The following OPTN variants were observed in gnomAD, a reference collection of about 807,000 sequenced individuals.
OPTN encodes the protein E3-14.7K-interacting protein.
OPTN carries 54 observed loss-of-function variants against 70.4 expected under a neutral mutation model. The observed-to-expected ratio is 0.77, with a 90% CI of 0.62 to 0.96. The LOEUF (loss-of-function observed/expected upper bound fraction) is 0.96. Among genes scored for constraint, OPTN ranks in the 40% least tolerant of loss-of-function variants. The pLI, the probability that OPTN is intolerant of heterozygous loss-of-function variation, is 0.00. For missense variants in OPTN, 624 were observed against 673.2 expected (o/e 0.93, Z 0.81); for synonymous variants, 256 against 248.5 (o/e 1.03, Z -0.28).
chr10:13,110,582 T>C, intron 4 of OPTN, 106 bp downstream of exon 4: 1 of 1,164,184 alleles, frequency 8.6e-7, no homozygotes, highest in African/African-American at 1.5e-5. Context: ...CATGGTTCAG[T>C]CTGGATTGGT....
intron 5 of OPTN, among the ~76,000 whole-genome samples, chr10:13,115,195 AG>A (rs1357748490): frequency 3.0e-5 from 2 of 67,780 alleles, no homozygotes; most frequent in African/African-American, 1.2e-4. Context: ...ATATATTTAT[AG>A]ATATATCTAT....
chr10:13,136,505 C>CAAAAAAAAAAAAAA (rs71386161), intron 14 of OPTN, among the ~76,000 whole-genome samples: 1 of 72,868 alleles, frequency 1.4e-5, no homozygotes, highest in African/African-American at 5.4e-5. Flanking sequence ...GACTCCGTCT[C>CAAAAAAAAAAAAAA]AAAAAAAAAA....
At position 13,124,100 on chromosome 10, in the gene OPTN, C is replaced by A; in HGVS notation, c.988C>A (p.Leu330Ile). 6.2e-7 allele frequency: 1 copy of A among 1,601,470 alleles called. No homozygotes were observed. Among genetic ancestry groups the A allele is most frequent in the Non-Finnish European group, 8.6e-7 (1 of 1,169,330 alleles). ...LSEAELMKKR[L>I]QEKCQALERK... ...CGAAGCTGAGCTAATGAAGAAGAGA[C>A]TTCAAGAAAAGTAAGAATGAGAGAG... The change falls in exon 9 of 15, where the codon CTT becomes ATT. Residue 330 changes from leucine to isoleucine, a missense_variant. Physicochemically the swap from Leu to Ile is conservative, Grantham distance 5 (BLOSUM62 2). Transcript: ENST00000378747.
chr10:13,114,800 A>AATTG (rs1554768941), intron 5 of OPTN, among the ~76,000 whole-genome samples: 5 of 17,710 alleles, frequency 2.8e-4, no homozygotes, highest in Non-Finnish European at 9.4e-4. Flanking sequence ...ATAATTATAT[A>AATTG]TACATATATA....
chr10:13,100,806 G>A (rs1400355844), intron 1 of OPTN, among the ~76,000 whole-genome samples: 1 of 152,166 alleles, frequency 6.6e-6, no homozygotes, highest in East Asian at 1.9e-4. Context: ...TGATGAGGCC[G>A]AGAACCCCAA....
chr10:13,102,208 G>A (rs578184376), intron 1 of OPTN, among the ~76,000 whole-genome samples: 90 of 152,360 alleles, frequency 5.9e-4, no homozygotes, highest in African/African-American at 2.1e-3. Context: ...CGCAGAGACA[G>A]AAGAATGCAG....
intron 1 of OPTN, among the ~76,000 whole-genome samples, chr10:13,100,584 C>T (rs956586788): frequency 6.6e-6 from 1 of 152,238 alleles, no homozygotes; most frequent in Non-Finnish European, 1.5e-5. Flanking sequence ...GGTAACCCCT[C>T]TACAAGTCAC....
chr10:13,103,592 G>A (rs773367505), intron 1 of OPTN, among the ~76,000 whole-genome samples: 1 of 152,176 alleles, frequency 6.6e-6, no homozygotes, highest in Non-Finnish European at 1.5e-5. Flanking sequence ...ATGTGCCATC[G>A]AAACCAGACA....
intron 11 of OPTN, 97 bp from the exon 12 acceptor site, chr10:13,127,648 G>C: frequency 2.2e-6 from 3 of 1,349,044 alleles, no homozygotes; most frequent in Non-Finnish European, 3.1e-6. Context: ...CACCCGGCCA[G>C]AGCTGATAAT....
chr10:13,137,527 CTGAT>C lies in OPTN; in HGVS notation c.*663_*666del, dbSNP rs1206097017. The stretch of plus-strand genomic sequence containing the variant: ...ATGTAATTAGATGGAAGAAACCTCA[CTGAT>C]TAATTTTAAGAACCTTTTAGGGATG... On this transcript the variant is annotated 3_prime_UTR_variant, in exon 15 of 15. Transcript: ENST00000378747. 3.5e-5 allele frequency: 8 copies of C among 229,432 alleles called. No individual in the cohort carries two copies. The highest frequency in any genetic ancestry group is 3.6e-4 in the South Asian group (2 of 5,522). 14.2% of individuals were successfully genotyped at this position (229,432 alleles called of 1,614,324 possible).
intron 1 of OPTN, among the ~76,000 whole-genome samples, chr10:13,106,961 G>T (rs185971792): frequency 9.9e-5 from 15 of 152,284 alleles, no homozygotes; most frequent in African/African-American, 3.6e-4. Context: ...TTAGAAATGG[G>T]ATGCTCGCTT....
chr10:13,133,686 C>T, intron 14 of OPTN, 105 bp downstream of exon 14: 3 of 989,016 alleles, frequency 3.0e-6, no homozygotes, highest in East Asian at 5.2e-5. Flanking sequence ...CAAATCAAGG[C>T]ACCAAAAATA....
intron 1 of OPTN, among the ~76,000 whole-genome samples, chr10:13,105,534 A>C (rs1328523378): frequency 6.6e-6 from 1 of 152,202 alleles, no homozygotes; most frequent in Admixed American, 6.5e-5. Flanking sequence ...GCAATGTGAG[A>C]AGTCAGAAAC....
At chr10:13,126,374 G>A (rs1441080904) in intron 11 of OPTN, among the ~76,000 whole-genome samples, 1 of 150,480 alleles carries the variant, frequency 6.6e-6, no homozygotes, top group Non-Finnish European at 1.5e-5. Context: ...TCCGCCTCCT[G>A]GGTTCACGCC....
chr10:13,116,175 C>G (rs1029933921), intron 5 of OPTN, 92 bp from the exon 6 acceptor site: 7 of 919,410 alleles, frequency 7.6e-6, no homozygotes, highest in Admixed American at 1.9e-5. Context: ...TTGCATGTCA[C>G]AAAAATTCAT....
intron 6 of OPTN, among the ~76,000 whole-genome samples, chr10:13,116,706 T>C (rs1413367255): frequency 6.6e-6 from 1 of 152,208 alleles, no homozygotes; most frequent in Admixed American, 6.5e-5. Flanking sequence ...CTGCCCAGCT[T>C]CCATAAGTGA....
At chr10:13,119,107 AC>A in intron 7 of OPTN, 67 bp downstream of exon 7, 1 of 1,388,530 alleles carries the variant, frequency 7.2e-7, no homozygotes, top group East Asian at 2.3e-5. Flanking sequence ...TAATTAAGAT[AC>A]CATACAGTTC....
rs987265843 is a variant in OPTN, at chr10:13,136,942, T to C, written c.*76T>C. The stretch of plus-strand genomic sequence containing the variant: ...CTCCAAGAGTTGTGCTTTTGTGTTA[T>C]TTGTTTTCACTCAAATATTTTGCCT... On this transcript the variant is annotated 3_prime_UTR_variant, in exon 15 of 15. Coordinates refer to ENST00000378747, the MANE Select transcript of OPTN (RefSeq NM_001008212.2). The C allele has an allele frequency of 2.9e-5, 46 of 1,589,472 alleles. No individual in the cohort carries two copies. Among genetic ancestry groups the C allele is most frequent in the Admixed American group, 6.7e-5 (4 of 59,944 alleles).
chr10:13,119,540 T>C (rs1253147898), intron 7 of OPTN, among the ~76,000 whole-genome samples: 3 of 152,230 alleles, frequency 2.0e-5, no homozygotes, highest in African/African-American at 7.2e-5. Flanking sequence ...TACTGGGATA[T>C]GTGTTTTTAA....
Sources: gnomAD v4.1 joint callset for allele counts (sites outside exome capture counted in the v4.1 genomes callset) on GRCh38, gnomAD v4.1.1 for gene constraint, MANE v1.5 for transcripts, NCBI Gene and HGNC (gene_info 2026-07-23, HGNC 2026-07-21) for gene names.